GRWD1: variants seen among roughly 807,000 people sequenced by gnomAD.
GRWD1 encodes glutamate rich WD repeat containing 1, also known as glutamate-rich WD repeat-containing protein 1.
Under a neutral mutation model 45.3 loss-of-function variants are expected in GRWD1, and 29 were observed. That is an observed-to-expected ratio of 0.64 (90% confidence interval 0.48 to 0.87). The LOEUF is 0.87. Among genes scored for constraint, GRWD1 ranks in the 40% least tolerant of loss-of-function variants. The pLI, the probability that GRWD1 is intolerant of heterozygous loss-of-function variation, is 0.00. For missense variants in GRWD1, 592 were observed against 618.8 expected (o/e 0.96, Z 0.46); for synonymous variants, 262 against 257.6 (o/e 1.02, Z -0.16).
rs1971520057 is a variant in GRWD1 at position 48,454,854 on chromosome 19, CTCTCTCCCCCATCTCTG to C, written c.*1838_*1854del. ...TCAGTCTGTCTGTCTCTGTCTCTGT[CTCTCTCCCCCATCTCTG>C]TCTCTCCCATCTCTCTCTGCCTCTC... On this transcript the variant is annotated 3_prime_UTR_variant, in exon 7 of 7. Transcript: ENST00000253237. 1.3e-5 allele frequency: 2 copies of C among 152,284 alleles called. No homozygotes were observed. Among genetic ancestry groups the C allele is most frequent in the South Asian group, 4.1e-4 (2 of 4,828 alleles). The allele number at this position is 152,284 out of a possible 1,614,324, so 9.4% of individuals were successfully genotyped here.
In GRWD1 at chr19:48,446,070, G is replaced by A. The variant is rs1435817685; in HGVS notation, c.65G>A (p.Gly22Asp). The A allele has an allele frequency of 5.6e-6, 9 of 1,597,370 alleles. No homozygotes were observed. The highest frequency in any genetic ancestry group is 1.1e-5 in the South Asian group (1 of 88,300). Reference protein sequence around the residue: ...ETGEPMEAESGDTSSEGPAQV... With the variant: ...ETGEPMEAESDDTSSEGPAQV... Reference sequence around the variant, plus strand: ...GGGGAACCCATGGAAGCCGAGTCCGGCGACACAAGTTCCGAGGGCCCGGCC... The same window carrying A: ...GGGGAACCCATGGAAGCCGAGTCCGACGACACAAGTTCCGAGGGCCCGGCC... Residue 22 changes from glycine (G) to aspartate (D), a missense_variant, in exon 1 of 7, where the codon GGC becomes GAC. By Grantham distance (94) the Gly-to-Asp change is moderately conservative (BLOSUM62 -1). Transcript: ENST00000253237.
chr19:48,450,435 C>G lies in GRWD1; in HGVS notation c.591C>G (p.Leu197=). 1 of 1,614,110 alleles carries G rather than the reference C, an allele frequency of 6.2e-7. No homozygotes were observed. Among genetic ancestry groups the G allele is most frequent in the Non-Finnish European group, 8.5e-7 (1 of 1,180,030 alleles). Residue 197 remains leucine, a synonymous_variant, in exon 4 of 7, where the codon CTC becomes CTG. Transcript: ENST00000253237. This position sits in a 1 kb window ranked among gnomAD's most constrained non-coding sequence, Gnocchi z 5.1. ...VEEPQALAAF[L]RDEQAQMKPI... The stretch of plus-strand genomic sequence containing the variant: ...AGCCCCAGGCCCTGGCAGCCTTCCT[C>G]CGGGATGAGCAGGCCCAAATGAAGC...
At chr19:48,449,840 C>T (rs1471777341) in intron 3 of GRWD1, among the ~76,000 whole-genome samples, 5 of 152,046 alleles carry the variant, frequency 3.3e-5, no homozygotes, top group African/African-American at 4.8e-5. Context: ...AAAGTTTGAA[C>T]GGTCAATGCA....
rs781498997 is a variant in GRWD1, at chr19:48,446,425, G to A, written c.228G>A (p.Leu76=). The change falls in exon 2 of 7, where the codon CTG becomes CTA. Residue 76 remains leucine (L), a synonymous_variant. Transcript: ENST00000253237. ...GCTTTGACATAGTCCGGGATCACCT[G>A]GGAGACAACCGGACAGAGCTTCCTC... The part of the protein sequence containing the change: ...CLSFDIVRDH[L]GDNRTELPLT... 4.3e-6 allele frequency: 7 copies of A among 1,614,156 alleles called. No homozygotes were observed. Among genetic ancestry groups the A allele is most frequent in the South Asian group, 2.2e-5 (2 of 91,080 alleles).
At position 48,456,383 on chromosome 19, in the gene GRWD1, CAG is replaced by C. The variant is rs1410530805; in HGVS notation, c.*3359_*3360del. The stretch of plus-strand genomic sequence containing the variant: ...AACAGTCTCTAACATGCAGGGTTGT[CAG>C]GGGTGAGATAGAGTCAAGGTTGGGG... On this transcript the variant is annotated 3_prime_UTR_variant, in exon 7 of 7. Transcript: ENST00000253237. The C allele has an allele frequency of 6.6e-6, 1 of 152,300 alleles. No homozygotes were observed. The highest frequency in any genetic ancestry group is 1.5e-5 in the Non-Finnish European group (1 of 68,104). The allele number at this position is 152,300 out of a possible 1,614,324, so 9.4% of individuals were successfully genotyped here. A position where few individuals can be genotyped will look rare whatever the true frequency, so the allele number is the denominator to read the frequency against.
Position 48,452,653 on chromosome 19 carries a change from C to T in GRWD1, c.1024-55C>T. On this transcript the variant is annotated intron_variant, in intron 6 of 6. Coordinates refer to ENST00000253237, the MANE Select transcript of GRWD1 (RefSeq NM_031485.4). This position sits in a 1 kb window ranked among gnomAD's most constrained non-coding sequence, Gnocchi z 5.1. ...GGGTTGGGGCTTCTGCCTGGGTCCT[C>T]CCCAGAGTCAGGCTGAGGCATTCAG... is the stretch of plus-strand genomic sequence containing the variant. 1.4e-6 allele frequency: 2 copies of T among 1,453,056 alleles called. No individual in the cohort carries two copies. Among genetic ancestry groups the T allele is most frequent in the Middle Eastern group, 2.1e-4 (1 of 4,764 alleles). 90.0% of individuals were successfully genotyped at this position (1,453,056 alleles called of 1,614,324 possible).
intron 3 of GRWD1, among the ~76,000 whole-genome samples, chr19:48,447,863 GA>G (rs1335877738): frequency 6.6e-6 from 1 of 152,198 alleles, no homozygotes; most frequent in East Asian, 1.9e-4. Context: ...GAGGTCAAAT[GA>G]AATAACATAT....
In GRWD1 at chr19:48,452,786, G is replaced by T. The variant is rs578057612; in HGVS notation, c.1102G>T (p.Val368Phe). 3 of 1,611,596 alleles carry T rather than the reference G, an allele frequency of 1.9e-6. No individual in the cohort carries two copies. Among genetic ancestry groups the T allele is most frequent in the Non-Finnish European group, 2.5e-6 (3 of 1,178,018 alleles). ...SVEWHPQDSG[V>F]FAASGADHQI... ...CGAGTGGCACCCCCAGGACAGCGGGGTCTTTGCAGCCTCGGGTGCAGACCA... is the reference window on the plus strand; with the variant it reads ...CGAGTGGCACCCCCAGGACAGCGGGTTCTTTGCAGCCTCGGGTGCAGACCA... The change falls in exon 7 of 7, where the codon GTC becomes TTC. Residue 368 changes from valine (V) to phenylalanine (F), a missense_variant. Coordinates refer to ENST00000253237, the MANE Select transcript of GRWD1 (RefSeq NM_031485.4). This position sits in a 1 kb window ranked among gnomAD's most constrained non-coding sequence, Gnocchi z 5.1.
In GRWD1 at chr19:48,446,737, G is replaced by A; in HGVS notation, c.362G>A (p.Gly121Asp). 6.2e-7 allele frequency: 1 copy of A among 1,613,230 alleles called. No individual in the cohort carries two copies. The change falls in exon 3 of 7, where the codon GGC becomes GAC. Residue 121 changes from glycine (G) to aspartate (D), a missense_variant. By Grantham distance (94) the Gly-to-Asp change is moderately conservative (BLOSUM62 -1). Transcript: ENST00000253237. ...LHGTKPPPSE[G>D]SDEEEEEEDE... ...GGGACAAAGCCCCCACCCTCAGAGG[G>A]CAGTGATGAAGAAGAAGAGGAGGAA...
At chr19:48,446,954 T>G (rs111702456) in intron 3 of GRWD1, 111 bp downstream of exon 3, 1 of 911,782 alleles carries the variant, frequency 1.1e-6, no homozygotes, top group Admixed American at 3.1e-5. Flanking sequence ...TTTTTTTTTT[T>G]GAGACGTAGT....
chr19:48,448,346 C>G (rs1373674419), intron 3 of GRWD1, among the ~76,000 whole-genome samples: 1 of 152,150 alleles, frequency 6.6e-6, no homozygotes, highest in Non-Finnish European at 1.5e-5. Context: ...TAGAGCAGTA[C>G]TTGGCTGATA....
chr19:48,456,168 G>A lies in GRWD1; in HGVS notation c.*3143G>A, dbSNP rs1219125425. ...AGTGGGGGTGAGAGGCCCAGGCTGG[G>A]GCCTGGGGAGCACAGGTCAGTGTCA... is the stretch of plus-strand genomic sequence containing the variant. On this transcript the variant is annotated 3_prime_UTR_variant, in exon 7 of 7. Coordinates refer to ENST00000253237, the MANE Select transcript of GRWD1 (RefSeq NM_031485.4). 1.3e-5 allele frequency: 2 copies of A among 152,250 alleles called. No homozygotes were observed. The highest frequency in any genetic ancestry group is 1.5e-5 in the Non-Finnish European group (1 of 68,128). 9.4% of individuals were successfully genotyped at this position (152,250 alleles called of 1,614,324 possible).
rs1240907211 is a variant in GRWD1 at position 48,453,557 on chromosome 19, C to T, written c.*532C>T. On this transcript the variant is annotated 3_prime_UTR_variant, in exon 7 of 7. Transcript: ENST00000253237. ...TTCACCATGTTGGCCAGGCTGGTCT[C>T]AAATTCTTGATCTCAAGTGATCTGT... 1.3e-5 allele frequency: 2 copies of T among 152,736 alleles called. No individual in the cohort carries two copies. The highest frequency in any genetic ancestry group is 2.9e-5 in the Non-Finnish European group (2 of 68,494). The allele number at this position is 152,736 out of a possible 1,614,324, so 9.5% of individuals were successfully genotyped here.
chr19:48,453,939 A>G lies in GRWD1; in HGVS notation c.*914A>G, dbSNP rs567390851. ...ACTCTGGTCCTTTGGCCACAGCCCT[A>G]TGAGGAAACGGGGTGTGGGGGGAGT... is the stretch of plus-strand genomic sequence containing the variant. On this transcript the variant is annotated 3_prime_UTR_variant, in exon 7 of 7. Coordinates refer to ENST00000253237, the MANE Select transcript of GRWD1 (RefSeq NM_031485.4). 6 of 151,314 alleles carry G rather than the reference A, an allele frequency of 4.0e-5. No homozygotes were observed. Among genetic ancestry groups the G allele is most frequent in the South Asian group, 4.2e-4 (2 of 4,736 alleles). The allele number at this position is 151,314 out of a possible 1,614,324, so 9.4% of individuals were successfully genotyped here. A position where few individuals can be genotyped will look rare whatever the true frequency, so the allele number is the denominator to read the frequency against.
chr19:48,450,767 C>A lies in GRWD1; in HGVS notation c.784C>A (p.Arg262Ser), dbSNP rs746532886. 6.2e-7 allele frequency: 1 copy of A among 1,614,050 alleles called. No homozygotes were observed. The highest frequency in any genetic ancestry group is 1.3e-5 in the African/African-American group (1 of 75,042). ...CCAGCGGCCATTCGTGGGCCACACA[C>A]GCTCTGTGGAGGACCTGCAGTGGTC... The part of the protein sequence containing the change: ...VDQRPFVGHT[R>S]SVEDLQWSPT... Residue 262 changes from arginine to serine, a missense_variant, in exon 5 of 7, where the codon CGC (arginine) becomes AGC (serine). By Grantham distance (110) the Arg-to-Ser change is moderately radical (BLOSUM62 -1). Coordinates refer to ENST00000253237, the MANE Select transcript of GRWD1 (RefSeq NM_031485.4). The surrounding 1 kb of genome is among the most constrained non-coding windows in gnomAD (Gnocchi z 5.1).
rs1971456628 is a variant in GRWD1, at chr19:48,450,362, G to C, written c.518G>C (p.Gly173Ala). The C allele has an allele frequency of 6.2e-7, 1 of 1,613,278 alleles. No individual in the cohort carries two copies. Among genetic ancestry groups the C allele is most frequent in the Non-Finnish European group, 8.5e-7 (1 of 1,179,888 alleles). ...GTGGCTGGGGTGTGGTCAGAGAAGG[G>C]CCAGGTGGAGGTGTTTGCGCTGCGG... ...EPVAGVWSEK[G>A]QVEVFALRRL... Residue 173 changes from glycine (G) to alanine (A), a missense_variant, in exon 4 of 7, where the codon GGC (glycine) becomes GCC (alanine). By Grantham distance (60) the Gly-to-Ala change is moderately conservative. Coordinates refer to ENST00000253237, the MANE Select transcript of GRWD1 (RefSeq NM_031485.4). This position sits in a 1 kb window ranked among gnomAD's most constrained non-coding sequence, Gnocchi z 5.1.
At position 48,452,076 on chromosome 19, in the gene GRWD1, C is replaced by A. The variant is rs1971480976; in HGVS notation, c.1024-632C>A. Reference sequence around the variant, plus strand: ...CTGGGAGAGCTCTGGGAGAGCCATGCCCTCCTTTTTTTCTTTTTTTTTTTT... The same window carrying A: ...CTGGGAGAGCTCTGGGAGAGCCATGACCTCCTTTTTTTCTTTTTTTTTTTT... On this transcript the variant is annotated intron_variant, in intron 6 of 6. Coordinates refer to ENST00000253237, the MANE Select transcript of GRWD1 (RefSeq NM_031485.4). This position sits in a 1 kb window ranked among gnomAD's most constrained non-coding sequence, Gnocchi z 5.1. 6.8e-6 allele frequency among the ~76,000 whole-genome samples: 1 copy of A among 146,610 alleles called. No individual in the cohort carries two copies. Among genetic ancestry groups the A allele is most frequent in the Non-Finnish European group, 1.5e-5 (1 of 66,934 alleles).
In GRWD1 at chr19:48,455,229, G is replaced by A. The variant is rs556474812; in HGVS notation, c.*2204G>A. 1.3e-5 allele frequency: 2 copies of A among 152,262 alleles called. No homozygotes were observed. Among genetic ancestry groups the A allele is most frequent in the African/African-American group, 2.4e-5 (1 of 41,356 alleles). The allele number at this position is 152,262 out of a possible 1,614,324, so 9.4% of individuals were successfully genotyped here. A position where few individuals can be genotyped will look rare whatever the true frequency, so the allele number is the denominator to read the frequency against. Reference sequence around the variant, plus strand: ...CTGCTTGGTCCCTGTACTTTTTCTTGGGGCACCCTCTCAACACCCCTCCTC... The same window carrying A: ...CTGCTTGGTCCCTGTACTTTTTCTTAGGGCACCCTCTCAACACCCCTCCTC... On this transcript the variant is annotated 3_prime_UTR_variant, in exon 7 of 7. Transcript: ENST00000253237.
rs570635266 is a variant in GRWD1 at position 48,456,302 on chromosome 19, A to C, written c.*3277A>C. On this transcript the variant is annotated 3_prime_UTR_variant, in exon 7 of 7. Transcript: ENST00000253237. ...CTGCAGGTGTAGATGCTGCATCCTG[A>C]TGTTGACCTCCAGGCCGCCCCCTTG... The C allele has an allele frequency of 3.3e-5, 5 of 152,164 alleles. No homozygotes were observed. Among genetic ancestry groups the C allele is most frequent in the African/African-American group, 1.2e-4 (5 of 41,490 alleles). 9.4% of individuals were successfully genotyped at this position (152,164 alleles called of 1,614,324 possible). A position where few individuals can be genotyped will look rare whatever the true frequency, so the allele number is the denominator to read the frequency against.
Sources: gnomAD v4.1 joint callset for allele counts (sites outside exome capture counted in the v4.1 genomes callset) on GRCh38, gnomAD v4.1.1 for gene constraint, Gnocchi (gnomAD v3.1) non-coding constraint, MANE v1.5 for transcripts, NCBI Gene and HGNC (gene_info 2026-07-23, HGNC 2026-07-21) for gene names.